PCDH8: variants seen among roughly 807,000 people sequenced by gnomAD.
The protein encoded by PCDH8 is protocadherin 8.
Under a neutral mutation model 58.2 loss-of-function variants are expected in PCDH8, and 36 were observed. The ratio of observed to expected loss-of-function variants is 0.62; its 90% CI spans 0.47 to 0.82. The LOEUF is 0.82. Ranked by LOEUF, PCDH8 falls within the 40% of genes least tolerant of loss-of-function variation. PCDH8 has a pLI of 0.00. For missense variants in PCDH8, 1,493 were observed against 1,567.8 expected, an observed-to-expected ratio of 0.95 and a Z score of 0.81; for synonymous variants, 775 against 728.9, an observed-to-expected ratio of 1.06 and a Z score of -1.02.
rs764539447 is a variant in PCDH8, at chr13:52,844,592, A to G, written c.3181T>C (p.Ser1061Pro). 10 of 1,604,100 alleles carry G rather than the reference A, an allele frequency of 6.2e-6. No homozygotes were observed. Among genetic ancestry groups the G allele is most frequent in the Non-Finnish European group, 8.5e-6 (10 of 1,174,466 alleles). ...TTTTCATTGGCTCCCTTCTTCGGGGACAGGTACCTGCCAGGAGGGGACTGG... is the reference window on the plus strand; with the variant it reads ...TTTTCATTGGCTCCCTTCTTCGGGGGCAGGTACCTGCCAGGAGGGGACTGG... ...LYQSPPGRYL[S>P]PKKGANENV is the part of the protein sequence containing the mutation. Residue 1061 changes from serine to proline, a missense_variant, in exon 3 of 3, where the codon TCC becomes CCC. By Grantham distance (74) the Ser-to-Pro change is moderately conservative. This residue lies in a region of PCDH8 where 182 missense variants were observed against 178.9 expected (regional missense o/e 1.02). Coordinates refer to ENST00000377942, the MANE Select transcript of PCDH8 (RefSeq NM_002590.4).
At position 52,844,523 on chromosome 13, in the gene PCDH8, A is replaced by G; in HGVS notation, c.*37T>C. The G allele has an allele frequency of 6.7e-7, 1 of 1,503,736 alleles. No homozygotes were observed. 93.1% of individuals were successfully genotyped at this position (1,503,736 alleles called of 1,614,324 possible). A position where few individuals can be genotyped will look rare whatever the true frequency, so the allele number is the denominator to read the frequency against. ...GGTCAATAACTTAGGGGCTTCTCGGAGTGACCTGTATATGTGTGAAGACAT... is the reference window on the plus strand; with the variant it reads ...GGTCAATAACTTAGGGGCTTCTCGGGGTGACCTGTATATGTGTGAAGACAT... On this transcript the variant is annotated 3_prime_UTR_variant, in exon 3 of 3. Coordinates refer to ENST00000377942, the MANE Select transcript of PCDH8 (RefSeq NM_002590.4).
Position 52,848,276 on chromosome 13 carries a change from T to A in PCDH8, c.161A>T (p.His54Leu), listed in dbSNP as rs1193263925. Residue 54 changes from histidine to leucine, a missense_variant, in exon 1 of 3, where the codon CAT (histidine) becomes CTT (leucine). Physicochemically the swap from His to Leu is moderately conservative, Grantham distance 99 (BLOSUM62 -3). Coordinates refer to ENST00000377942, the MANE Select transcript of PCDH8 (RefSeq NM_002590.4). The stretch of plus-strand genomic sequence containing the variant: ...GCTTGTGTCACCCGATACTTTCATA[T>A]GCAGGTCCTCGGCCAGGGTCCCGAT... The part of the protein sequence containing the change: ...TVIGTLAEDL[H>L]MKVSGDTSFR... 4 of 1,613,694 alleles carry A rather than the reference T, an allele frequency of 2.5e-6. No individual in the cohort carries two copies. Among genetic ancestry groups the A allele is most frequent in the Non-Finnish European group, 3.4e-6 (4 of 1,180,026 alleles).
rs890790532 is a variant in PCDH8 at position 52,843,624 on chromosome 13, C to A, written c.*936G>T. ...CAAACTCCAGCTTGAGGAGGAGGTA[C>A]CAGCAGCTAGTAAAAGTTCTACAGA... On this transcript the variant is annotated 3_prime_UTR_variant, in exon 3 of 3. Transcript: ENST00000377942. The A allele has an allele frequency of 6.6e-6, 1 of 152,168 alleles. No individual in the cohort carries two copies. The highest frequency in any genetic ancestry group is 6.5e-5 in the Admixed American group (1 of 15,284). 9.4% of individuals were successfully genotyped at this position (152,168 alleles called of 1,614,324 possible). A position where few individuals can be genotyped will look rare whatever the true frequency, so the allele number is the denominator to read the frequency against.
intron 2 of PCDH8, 36 bp downstream of exon 2, chr13:52,845,389 G>A: frequency 6.3e-7 from 1 of 1,593,440 alleles, no homozygotes; most frequent in Non-Finnish European, 8.6e-7. Flanking sequence ...AGGGAAGGGA[G>A]GAATGCCGAA....
chr13:52,844,485 C>T lies in PCDH8; in HGVS notation c.*75G>A, dbSNP rs1203212175. Reference sequence around the variant, plus strand: ...GGCACATCTTGCATATTTATATATACAACACTGAAACCGGTCAATAACTTA... The same window carrying T: ...GGCACATCTTGCATATTTATATATATAACACTGAAACCGGTCAATAACTTA... On this transcript the variant is annotated 3_prime_UTR_variant, in exon 3 of 3. Transcript: ENST00000377942. 2.3e-6 allele frequency: 3 copies of T among 1,293,242 alleles called. No homozygotes were observed. Among genetic ancestry groups the T allele is most frequent in the Non-Finnish European group, 3.2e-6 (3 of 942,240 alleles). The allele number at this position is 1,293,242 out of a possible 1,614,324, so 80.1% of individuals were successfully genotyped here. A position where few individuals can be genotyped will look rare whatever the true frequency, so the allele number is the denominator to read the frequency against.
chr13:52,845,732 A>G (rs940962028), intron 1 of PCDH8, 74 bp downstream of exon 1: 4 of 1,510,922 alleles, frequency 2.6e-6, no homozygotes, highest in Non-Finnish European at 3.5e-6. Context: ...CACCCACCCT[A>G]CCCCTCCAGT....
Position 52,848,460 on chromosome 13 carries a change from G to T in PCDH8, c.-24C>A, listed in dbSNP as rs776755605. ...ATGCCTCCAGCCTCAAGTGCGATCC[G>T]AAAGGCTAAGGAAGTCTTCTCTGGT... On this transcript the variant is annotated 5_prime_UTR_variant, in exon 1 of 3. Transcript: ENST00000377942. 10 of 1,564,452 alleles carry T rather than the reference G, an allele frequency of 6.4e-6. No homozygotes were observed. The South Asian group carries it at 1.2e-4, about 18-fold the overall frequency.
Position 52,844,485 on chromosome 13 carries a change from C to G in PCDH8, c.*75G>C. The G allele has an allele frequency of 7.7e-7, 1 of 1,293,362 alleles. No individual in the cohort carries two copies. Among genetic ancestry groups the G allele is most frequent in the East Asian group, 2.4e-5 (1 of 42,432 alleles). 80.1% of individuals were successfully genotyped at this position (1,293,362 alleles called of 1,614,324 possible). On this transcript the variant is annotated 3_prime_UTR_variant, in exon 3 of 3. Transcript: ENST00000377942. ...GGCACATCTTGCATATTTATATATA[C>G]AACACTGAAACCGGTCAATAACTTA...
Position 52,843,367 on chromosome 13 carries a change from T to C in PCDH8, c.*1193A>G, listed in dbSNP as rs1965688277. The C allele has an allele frequency of 6.6e-6, 1 of 152,236 alleles. No homozygotes were observed. The highest frequency in any genetic ancestry group is 6.5e-5 in the Admixed American group (1 of 15,284). The allele number at this position is 152,236 out of a possible 1,614,324, so 9.4% of individuals were successfully genotyped here. On this transcript the variant is annotated 3_prime_UTR_variant, in exon 3 of 3. Coordinates refer to ENST00000377942, the MANE Select transcript of PCDH8 (RefSeq NM_002590.4). ...TTTCACATAGCTCCCTGTGTTTTTT[T>C]CTAGAACATTTTAAAGCGAATCCCA...
Position 52,844,593 on chromosome 13 carries a change from C to A in PCDH8, c.3180G>T (p.Leu1060=). The stretch of plus-strand genomic sequence containing the variant: ...TTTCATTGGCTCCCTTCTTCGGGGA[C>A]AGGTACCTGCCAGGAGGGGACTGGT... ...PLYQSPPGRY[L]SPKKGANENV is the part of the protein sequence containing the mutation. The change falls in exon 3 of 3, where the codon CTG becomes CTT. Residue 1060 remains leucine (L), a synonymous_variant. Coordinates refer to ENST00000377942, the MANE Select transcript of PCDH8 (RefSeq NM_002590.4). 6.2e-7 allele frequency: 1 copy of A among 1,604,256 alleles called. No individual in the cohort carries two copies. Among genetic ancestry groups the A allele is most frequent in the South Asian group, 1.1e-5 (1 of 89,746 alleles).
In PCDH8 at chr13:52,843,383, G is replaced by C. The variant is rs1383917692; in HGVS notation, c.*1177C>G. 1 of 152,020 alleles carries C rather than the reference G, an allele frequency of 6.6e-6. No individual in the cohort carries two copies. Among genetic ancestry groups the C allele is most frequent in the Non-Finnish European group, 1.5e-5 (1 of 68,000 alleles). The allele number at this position is 152,020 out of a possible 1,614,324, so 9.4% of individuals were successfully genotyped here. On this transcript the variant is annotated 3_prime_UTR_variant, in exon 3 of 3. Coordinates refer to ENST00000377942, the MANE Select transcript of PCDH8 (RefSeq NM_002590.4). Reference sequence around the variant, plus strand: ...GTGTTTTTTTCTAGAACATTTTAAAGCGAATCCCAAACATCATGTCATTTT... The same window carrying C: ...GTGTTTTTTTCTAGAACATTTTAAACCGAATCCCAAACATCATGTCATTTT...
rs1965762288 is a variant in PCDH8, at chr13:52,847,551, G to A, written c.886C>T (p.Leu296Phe). The A allele has an allele frequency of 6.4e-7, 1 of 1,571,246 alleles. No homozygotes were observed. The highest frequency in any genetic ancestry group is 8.6e-7 in the Non-Finnish European group (1 of 1,166,386). Residue 296 changes from leucine (L) to phenylalanine (F), a missense_variant, in exon 1 of 3, where the codon CTC becomes TTC. Physicochemically the swap from Leu to Phe is conservative, Grantham distance 22. Transcript: ENST00000377942. ...GARTPPEARR[L>F]FRLDPRSGRL... ...CCTGATCGCGGGTCAAGCCGAAAGA[G>A]GCGGCGCGCCTCCGGCGGGGTGCGG...
In PCDH8 at chr13:52,845,426, A is replaced by G. The variant is rs1364964093; in HGVS notation, c.2838T>C (p.Ser946=). 3.1e-6 allele frequency: 5 copies of G among 1,613,838 alleles called. No homozygotes were observed. In the South Asian group the frequency reaches 5.5e-5, roughly 18 times the overall value. The change falls in exon 2 of 3, where the codon AGT becomes AGC. Residue 946 remains serine, a splice_region_variant and synonymous_variant. Transcript: ENST00000377942. ...LKKDLINHMQ[S]GLWACTAECK... ...TTGGCGGGAAAGAAGAGTCCTCACC[A>G]CTCTGCATGTGGTTGATGAGATCCT...
rs764437039 is a variant in PCDH8, at chr13:52,846,602, G to C, written c.1835C>G (p.Pro612Arg). The C allele has an allele frequency of 1.1e-5, 17 of 1,605,264 alleles. No homozygotes were observed. Among genetic ancestry groups the C allele is most frequent in the Non-Finnish European group, 1.4e-5 (17 of 1,178,738 alleles). The change falls in exon 1 of 3, where the codon CCG becomes CGG. Residue 612 changes from proline (P) to arginine (R), a missense_variant. Physicochemically the swap from Pro to Arg is moderately radical, Grantham distance 103. This residue lies in a region of PCDH8 where 1,307 missense variants were observed against 1,362.7 expected (regional missense o/e 0.96). Coordinates refer to ENST00000377942, the MANE Select transcript of PCDH8 (RefSeq NM_002590.4). ...TTCTAGGGAGCCATTGGCTGGCGCCGGGTGCACCAGGACTGGCGCATGGTC... is the reference window on the plus strand; with the variant it reads ...TTCTAGGGAGCCATTGGCTGGCGCCCGGTGCACCAGGACTGGCGCATGGTC... ...QNDHAPVLVH[P>R]APANGSLEVA... is the part of the protein sequence containing the mutation.
Position 52,846,631 on chromosome 13 carries a change from C to A in PCDH8, c.1806G>T (p.Gln602His). The change falls in exon 1 of 3, where the codon CAG becomes CAT. Residue 602 changes from glutamine (Q) to histidine (H), a missense_variant. By Grantham distance (24) the Gln-to-His change is conservative. Coordinates refer to ENST00000377942, the MANE Select transcript of PCDH8 (RefSeq NM_002590.4). ...SALVQVRVLD[Q>H]NDHAPVLVHP... is the part of the protein sequence containing the mutation. ...GCACCAGGACTGGCGCATGGTCGTT[C>A]TGGTCCAGCACGCGCACTTGCACTA... 6.2e-7 allele frequency: 1 copy of A among 1,604,988 alleles called. No homozygotes were observed.
rs1173043113 is a variant in PCDH8 at position 52,843,440 on chromosome 13, G to A, written c.*1120C>T. The A allele has an allele frequency of 3.3e-5, 5 of 152,220 alleles. No homozygotes were observed. The highest frequency in any genetic ancestry group is 5.9e-5 in the Non-Finnish European group (4 of 68,046). The allele number at this position is 152,220 out of a possible 1,614,324, so 9.4% of individuals were successfully genotyped here. A position where few individuals can be genotyped will look rare whatever the true frequency, so the allele number is the denominator to read the frequency against. On this transcript the variant is annotated 3_prime_UTR_variant, in exon 3 of 3. Coordinates refer to ENST00000377942, the MANE Select transcript of PCDH8 (RefSeq NM_002590.4). ...AAATTTGAGTGGAATAGAGCTGATAGTTACTTTGGAGACTGGCTCCAGAGG... is the reference window on the plus strand; with the variant it reads ...AAATTTGAGTGGAATAGAGCTGATAATTACTTTGGAGACTGGCTCCAGAGG...
Position 52,847,365 on chromosome 13 carries a change from G to C in PCDH8, c.1072C>G (p.Pro358Ala). The change falls in exon 1 of 3, where the codon CCG becomes GCG. Residue 358 changes from proline to alanine, a missense_variant. Coordinates refer to ENST00000377942, the MANE Select transcript of PCDH8 (RefSeq NM_002590.4). ...NDNAPDIAIT[P>A]LAAPGAPATS... ...GCCGGCGCGCCTGGGGCGGCCAGCG[G>C]GGTGATGGCGATGTCGGGTGCGTTG... 2.6e-6 allele frequency: 4 copies of C among 1,509,960 alleles called. No individual in the cohort carries two copies. The highest frequency in any genetic ancestry group is 3.5e-6 in the Non-Finnish European group (4 of 1,135,422). 93.5% of individuals were successfully genotyped at this position (1,509,960 alleles called of 1,614,324 possible).
Position 52,844,863 on chromosome 13 carries a change from G to C in PCDH8, c.2910C>G (p.Ser970Arg). Residue 970 changes from serine (S) to arginine (R), a missense_variant, in exon 3 of 3, where the codon AGC becomes AGG. Transcript: ENST00000377942. ...HSDRCWSPSC[S>R]GPNAHPSPHP... Reference sequence around the variant, plus strand: ...GAGGCGATGGATGTGCGTTGGGCCCGCTGCAGGATGGGCTCCAGCAGCGGT... The same window carrying C: ...GAGGCGATGGATGTGCGTTGGGCCCCCTGCAGGATGGGCTCCAGCAGCGGT... The C allele has an allele frequency of 6.3e-7, 1 of 1,594,534 alleles. No individual in the cohort carries two copies. Among genetic ancestry groups the C allele is most frequent in the Non-Finnish European group, 8.6e-7 (1 of 1,169,238 alleles).
chr13:52,845,590 G>C lies in PCDH8; in HGVS notation c.2674C>G (p.Pro892Ala). 1 of 1,614,142 alleles carries C rather than the reference G, an allele frequency of 6.2e-7. No individual in the cohort carries two copies. Among genetic ancestry groups the C allele is most frequent in the Non-Finnish European group, 8.5e-7 (1 of 1,180,032 alleles). The change falls in exon 2 of 3, where the codon CCT (proline) becomes GCT (alanine). Residue 892 changes from proline (P) to alanine (A), a missense_variant. Pro to Ala is a conservative substitution (Grantham distance 27, BLOSUM62 -1). Coordinates refer to ENST00000377942, the MANE Select transcript of PCDH8 (RefSeq NM_002590.4). ...SPGFGKEPAP[P>A]VAVWKGHSFN... is the part of the protein sequence containing the mutation. Reference sequence around the variant, plus strand: ...GAGTGTCCTTTCCACACCGCCACAGGGGGCGCCGGCTCCTTTCCAAAACCC... The same window carrying C: ...GAGTGTCCTTTCCACACCGCCACAGCGGGCGCCGGCTCCTTTCCAAAACCC...
Sources: gnomAD v4.1 joint callset for allele counts on GRCh38, gnomAD v4.1.1 for gene constraint, gnomAD v4.1.1 regional missense constraint, MANE v1.5 for transcripts, NCBI Gene and HGNC (gene_info 2026-07-23, HGNC 2026-07-21) for gene names.